OR7E24: variants seen among roughly 807,000 people sequenced by gnomAD.
The protein encoded by OR7E24 is olfactory receptor family 7 subfamily E member 24.
For synonymous variants in OR7E24, 130 were observed against 157.5 expected (o/e 0.83, Z 1.31); for missense variants, 385 against 410.3 (o/e 0.94, Z 0.53).
At chr19:9,225,374 AGAAG>A in the OR7E24 span, among the ~76,000 whole-genome samples, 3 of 85,154 alleles carry the variant, frequency 3.5e-5, no homozygotes, top group South Asian at 4.5e-4. Flanking sequence ...CAAGAAGGAA[AGAAG>A]GAAGGAAGGA....
chr19:9,227,940 A>AGACGGG, the OR7E24 span, among the ~76,000 whole-genome samples: 1 of 150,904 alleles, frequency 6.6e-6, no homozygotes, highest in East Asian at 2.0e-4. Flanking sequence ...TTTTTAGTAG[A>AGACGGG]GACGGGGTTT....
At chr19:9,218,398 TAAAC>T in the OR7E24 span, among the ~76,000 whole-genome samples, 1 of 152,116 alleles carries the variant, frequency 6.6e-6, no homozygotes, top group Non-Finnish European at 1.5e-5. Context: ...AGAGAAATCA[TAAAC>T]AAAATCACAA....
Position 9,252,215 on chromosome 19 carries a change from G to A in OR7E24, c.*152G>A. 1.6e-6 allele frequency: 1 copy of A among 625,988 alleles called. No individual in the cohort carries two copies. The highest frequency in any genetic ancestry group is 2.0e-5 in the South Asian group (1 of 50,616). 38.8% of individuals were successfully genotyped at this position (625,988 alleles called of 1,614,324 possible). ...TTTAATTGCAATGGGTGAGTATTCT[G>A]GTATCCTTTGTTCATCATACACATC... On this transcript the variant is annotated 3_prime_UTR_variant, in exon 1 of 1. Coordinates refer to ENST00000456448, the MANE Select transcript of OR7E24 (RefSeq NM_001079935.2).
chr19:9,220,940 A>G, the OR7E24 span, among the ~76,000 whole-genome samples: 1 of 152,218 alleles, frequency 6.6e-6, no homozygotes, highest in African/African-American at 2.4e-5. Context: ...TGTGGTTTTC[A>G]TTTGCATTTC....
upstream of OR7E24, among the ~76,000 whole-genome samples, chr19:9,242,378 C>CCTCCCAAGTAGCTCCCAAG (rs2066118588): frequency 6.6e-6 from 1 of 152,150 alleles, no homozygotes; most frequent in South Asian, 2.1e-4. Context: ...TCCCAAGTAG[C>CCTCCCAAGTAGCTCCCAAG]TGGAATTATA....
the OR7E24 span, among the ~76,000 whole-genome samples, chr19:9,220,567 T>TATTCC: frequency 4.6e-5 from 7 of 152,234 alleles, no homozygotes; most frequent in African/African-American, 7.2e-5. Flanking sequence ...GGATGAATCA[T>TATTCC]ATTCCATTGT....
At chr19:9,214,932 T>C in the OR7E24 span, 5 of 687,744 alleles carry the variant, frequency 7.3e-6, no homozygotes, top group Non-Finnish European at 9.9e-6. Context: ...ATATCACCTT[T>C]TGATGGACAT....
the OR7E24 span, chr19:9,235,185 C>G: frequency 7.0e-7 from 1 of 1,435,108 alleles, no homozygotes; most frequent in Non-Finnish European, 9.7e-7. Context: ...AATTCCTCCT[C>G]TTAGGACTCT....
chr19:9,235,940 A>C, the OR7E24 span: 2 of 1,610,138 alleles, frequency 1.2e-6, no homozygotes, highest in African/African-American at 2.7e-5. Context: ...GCTGTGACCC[A>C]TTCTTCCCAG....
the OR7E24 span, chr19:9,235,539 C>A: frequency 6.5e-7 from 1 of 1,544,552 alleles, no homozygotes; most frequent in Non-Finnish European, 9.0e-7. Flanking sequence ...CACTGCAGTA[C>A]ATGGTCATCA....
upstream of OR7E24, among the ~76,000 whole-genome samples, chr19:9,249,173 C>G (rs755483267): frequency 1.3e-5 from 2 of 152,236 alleles, no homozygotes; most frequent in Non-Finnish European, 2.9e-5. Context: ...CCCAATGTCT[C>G]TGACAGGACA....
chr19:9,236,720 T>C, the OR7E24 span, among the ~76,000 whole-genome samples: 4 of 152,204 alleles, frequency 2.6e-5, no homozygotes, highest in South Asian at 6.2e-4. Context: ...GTGCCATTCC[T>C]GAGATTTCTA....
the OR7E24 span, among the ~76,000 whole-genome samples, chr19:9,241,957 C>T: frequency 6.6e-6 from 1 of 152,112 alleles, no homozygotes; most frequent in Non-Finnish European, 1.5e-5. Flanking sequence ...TATATACAGT[C>T]TTTAAAGTTC....
At chr19:9,247,621 A>T (rs35407824), upstream of OR7E24, 57,482 of 398,366 alleles carry the variant, frequency 0.14, 6,406 homozygotes, top group African/African-American at 0.41. Flanking sequence ...ATGTCAGCTC[A>T]GACGACTGTG....
chr19:9,216,052 C>T, the OR7E24 span, among the ~76,000 whole-genome samples: 1 of 152,084 alleles, frequency 6.6e-6, no homozygotes, highest in Non-Finnish European at 1.5e-5. Flanking sequence ...CAAGGAAACT[C>T]CCCCTTATAG....
chr19:9,250,242 G>A (rs1743683600), upstream of OR7E24, among the ~76,000 whole-genome samples: 1 of 151,990 alleles, frequency 6.6e-6, no homozygotes, highest in Admixed American at 6.6e-5. Flanking sequence ...CTACAGGGCG[G>A]CGCCACCATG....
chr19:9,219,864 G>A, the OR7E24 span, among the ~76,000 whole-genome samples: 1 of 151,980 alleles, frequency 6.6e-6, no homozygotes, highest in Non-Finnish European at 1.5e-5. Flanking sequence ...TTCTTTCTTC[G>A]GTTTAATTTG....
chr19:9,228,133 C>T, the OR7E24 span, among the ~76,000 whole-genome samples: 3 of 152,250 alleles, frequency 2.0e-5, no homozygotes, highest in Admixed American at 6.5e-5. Flanking sequence ...ATACCTCCAC[C>T]GACAGTGTAT....
the OR7E24 span, among the ~76,000 whole-genome samples, chr19:9,227,868 C>T: frequency 1.3e-5 from 2 of 149,364 alleles, no homozygotes; most frequent in Admixed American, 6.6e-5. Context: ...ATTCTCCTGC[C>T]TCAGCCTCCC....
Sources: allele counts gnomAD v4.1 joint callset (sites outside exome capture counted in the v4.1 genomes callset), GRCh38; gene constraint gnomAD v4.1.1; transcripts MANE v1.5; gene names NCBI Gene and HGNC (gene_info 2026-07-23, HGNC 2026-07-21).